The following ZFHX3 variants were observed in gnomAD, a reference collection of about 807,000 sequenced individuals.
The protein encoded by ZFHX3 is zinc finger homeobox protein 3.
Under a neutral mutation model 279.1 loss-of-function variants are expected in ZFHX3, and 42 were observed. The ratio of observed to expected loss-of-function variants is 0.15; its 90% CI spans 0.12 to 0.19. The LOEUF (loss-of-function observed/expected upper bound fraction) is 0.19. Ranked by LOEUF, ZFHX3 falls within the 10% of genes least tolerant of loss-of-function variation. ZFHX3 has a pLI of 1.00. For missense variants in ZFHX3, 4,981 were observed against 4,754.0 expected, an observed-to-expected ratio of 1.05 and a Z score of -1.40; for synonymous variants, 2,293 against 1,957.8, an observed-to-expected ratio of 1.17 and a Z score of -4.52.
chr16:72,935,127 CG>C (rs1960048431), intron 3 of ZFHX3, among the ~76,000 whole-genome samples: 1 of 152,118 alleles, frequency 6.6e-6, no homozygotes, highest in South Asian at 2.1e-4. Flanking sequence ...TTTAGATTAT[CG>C]TCAACAAAGT....
intron 1 of ZFHX3, among the ~76,000 whole-genome samples, chr16:73,711,026 A>C (rs953054087): frequency 6.6e-6 from 1 of 152,214 alleles, no homozygotes; most frequent in African/African-American, 2.4e-5. Context: ...CTGTAATTCA[A>C]AAGTTAGAGC....
At chr16:73,521,442 T>C (rs553277843) in intron 2 of ZFHX3, among the ~76,000 whole-genome samples, 64 of 152,306 alleles carry the variant, frequency 4.2e-4, no homozygotes, top group South Asian at 8.3e-4. Flanking sequence ...CCTACCACAA[T>C]AGTACTGGTA....
chr16:73,811,269 T>G (rs1198325165), intron 1 of ZFHX3, among the ~76,000 whole-genome samples: 1 of 152,108 alleles, frequency 6.6e-6, no homozygotes, highest in Admixed American at 6.6e-5. Flanking sequence ...GCCCTCCATT[T>G]CAGACATCTG....
At chr16:73,143,849 G>T in intron 5 of ZFHX3, 1 of 1,214,306 alleles carries the variant, frequency 8.2e-7, no homozygotes. Context: ...AGAAAAGAAA[G>T]GACAAAAACA....
intron 3 of ZFHX3, among the ~76,000 whole-genome samples, chr16:73,337,889 TGGC>T (rs368363604): frequency 0.074 from 2,265 of 30,740 alleles, 144 homozygotes; most frequent in African/African-American, 0.12. Context: ...CATCTTCCCT[TGGC>T]GGGGGGGGGG....
At chr16:72,882,654 G>A (rs540681631) in intron 4 of ZFHX3, among the ~76,000 whole-genome samples, 82 of 152,240 alleles carry the variant, frequency 5.4e-4, no homozygotes, top group Admixed American at 9.2e-4. Context: ...GGGCAGCAGC[G>A]TCTGACAGCA....
intron 1 of ZFHX3, among the ~76,000 whole-genome samples, chr16:73,889,494 C>T (rs899976505): frequency 1.8e-4 from 27 of 152,044 alleles, no homozygotes; most frequent in Non-Finnish European, 3.8e-4. Context: ...AAAATGCCAA[C>T]GATGTGATGA....
At chr16:73,634,293 C>T (rs1391765622) in intron 2 of ZFHX3, among the ~76,000 whole-genome samples, 2 of 151,678 alleles carry the variant, frequency 1.3e-5, no homozygotes, top group East Asian at 3.9e-4. Flanking sequence ...TACTCCTTTC[C>T]CTCAGAGAAG....
intron 3 of ZFHX3, among the ~76,000 whole-genome samples, chr16:72,899,656 C>A (rs987399882): frequency 6.6e-6 from 1 of 152,024 alleles, no homozygotes; most frequent in African/African-American, 2.4e-5. Flanking sequence ...AGTTGAAAAC[C>A]CTCACTCTGA....
intron 2 of ZFHX3, among the ~76,000 whole-genome samples, chr16:73,460,437 C>A (rs1009667017): frequency 6.6e-6 from 1 of 152,100 alleles, no homozygotes; most frequent in African/African-American, 2.4e-5. Flanking sequence ...TAGTCATGTA[C>A]AGTATTTTGT....
At chr16:73,554,573 T>TA (rs1355212281) in intron 2 of ZFHX3, 1 of 152,216 alleles carries the variant, frequency 6.6e-6, no homozygotes, top group Non-Finnish European at 1.5e-5. Flanking sequence ...TGGCATAGAA[T>TA]AAAACTTTCA....
At position 73,093,655 on chromosome 16, in the gene ZFHX3, C is replaced by G. The variant is rs532538985; in HGVS notation, c.-896-57G>C. ...GAACTCGGCCTCTCCCCACAGAATA[C>G]AGTTCGCCATTACAGCGCTGATTAA... On this transcript the variant is annotated intron_variant, in intron 7 of 17. Coordinates refer to the ZFHX3 transcript ENST00000641206. 250 of 464,984 alleles carry G rather than the reference C, an allele frequency of 5.4e-4. 3 individuals are homozygous for G. Among genetic ancestry groups the G allele is most frequent in the South Asian group, 3.9e-3 (246 of 63,738 alleles). The allele number at this position is 464,984 out of a possible 1,614,324, so 28.8% of individuals were successfully genotyped here.
rs866592820 is a variant in ZFHX3, at chr16:73,164,516, A to T, written c.-1103-20685T>A. Among the ~76,000 whole-genome samples the T allele has an allele frequency of 2.6e-5, 4 of 152,266 alleles. No homozygotes were observed. In the South Asian group the frequency reaches 8.3e-4, roughly 32 times the overall value. On this transcript the variant is annotated intron_variant, in intron 5 of 17. Coordinates refer to the ZFHX3 transcript ENST00000641206. ...GGAGTTTAAGACCAGCCTGACCAACATGGGGATATCCTGTCTCCACTAAAA... is the reference window on the plus strand; with the variant it reads ...GGAGTTTAAGACCAGCCTGACCAACTTGGGGATATCCTGTCTCCACTAAAA...
intron 2 of ZFHX3, among the ~76,000 whole-genome samples, chr16:73,481,616 G>T (rs58032497): frequency 0.29 from 44,348 of 151,172 alleles, 6,920 homozygotes; most frequent in South Asian, 0.39. Context: ...GCGTGGTGTT[G>T]TTTTTTTGTT....
chr16:72,828,366 C>T (rs1414298846), intron 5 of ZFHX3, among the ~76,000 whole-genome samples: 1 of 152,206 alleles, frequency 6.6e-6, no homozygotes, highest in South Asian at 2.1e-4. Flanking sequence ...CTTTGCTCCT[C>T]CTCAAAAACC....
chr16:73,292,862 G>A (rs72797380), intron 4 of ZFHX3, among the ~76,000 whole-genome samples: 3 of 152,056 alleles, frequency 2.0e-5, no homozygotes, highest in East Asian at 1.9e-4. Context: ...GGTATTCCTC[G>A]GGCTGGAAGC....
At chr16:73,559,528 T>A (rs549076878) in intron 2 of ZFHX3, among the ~76,000 whole-genome samples, 2 of 152,222 alleles carry the variant, frequency 1.3e-5, no homozygotes, top group East Asian at 3.9e-4. Context: ...GGCCACCTAA[T>A]GAGTTGTCAG....
chr16:72,889,735 G>C lies in ZFHX3; in HGVS notation c.3444C>G (p.Asp1148Glu), dbSNP rs752930902. The C allele has an allele frequency of 6.2e-7, 1 of 1,612,144 alleles. No homozygotes were observed. The highest frequency in any genetic ancestry group is 1.7e-5 in the Admixed American group (1 of 60,012). ...IFTIRRCPST[D>E]PEEAIEDVEG... is the part of the protein sequence containing the mutation. Reference sequence around the variant, plus strand: ...CATGCCTGTGAGACCACTCACCTGGGTCCGTGGAGGGGCACCTGCGGATGG... The same window carrying C: ...CATGCCTGTGAGACCACTCACCTGGCTCCGTGGAGGGGCACCTGCGGATGG... Residue 1148 changes from aspartate to glutamate, a missense_variant, in exon 4 of 10, where the codon GAC (aspartate) becomes GAG (glutamate). Around this residue, in one of 7 missense-constraint regions of ZFHX3, gnomAD observed 1,751 missense variants for 1,770.0 expected, o/e 0.99. Transcript: ENST00000268489.
intron 3 of ZFHX3, among the ~76,000 whole-genome samples, chr16:73,361,614 T>G (rs2016435011): frequency 6.6e-6 from 1 of 152,226 alleles, no homozygotes; most frequent in Non-Finnish European, 1.5e-5. Flanking sequence ...AATAGAATAC[T>G]ACAGATAAAG....
Sources: allele counts gnomAD v4.1 joint callset (sites outside exome capture counted in the v4.1 genomes callset), GRCh38; gene constraint gnomAD v4.1.1; regional missense constraint gnomAD v4.1.1; transcripts MANE v1.5; gene names NCBI Gene and HGNC (gene_info 2026-07-23, HGNC 2026-07-21).